Variants in SNX6 observed in about 807,000 individuals in gnomAD.
SNX6 encodes the protein sorting nexin-6.
SNX6 carries 34 observed loss-of-function variants against 63.0 expected under a neutral mutation model. The ratio of observed to expected loss-of-function variants is 0.54; its 90% CI spans 0.41 to 0.72. The LOEUF (loss-of-function observed/expected upper bound fraction) is 0.72, where lower values mean the gene tolerates loss of function less well. Among genes scored for constraint, SNX6 ranks in the 30% least tolerant of loss-of-function variants. The probability of loss-of-function intolerance (pLI) is 0.00; values close to 1 mark genes in which losing one functional copy is unlikely to be tolerated. For missense variants in SNX6, 398 were observed against 471.4 expected (o/e 0.84, Z 1.44); for synonymous variants, 170 against 164.2 (o/e 1.04, Z -0.27).
chr14:34,595,109 T>A (rs1882547606), intron 7 of SNX6, among the ~76,000 whole-genome samples: 1 of 150,200 alleles, frequency 6.7e-6, no homozygotes, highest in African/African-American at 2.5e-5. Flanking sequence ...CAAAATAAAA[T>A]AAAAAATAAA....
At chr14:34,567,251 C>T (rs1881225858) in intron 13 of SNX6, among the ~76,000 whole-genome samples, 1 of 151,918 alleles carries the variant, frequency 6.6e-6, no homozygotes, top group African/African-American at 2.4e-5. Flanking sequence ...CTTTGGGAGG[C>T]TGAGGCAGGA....
At chr14:34,598,035 G>C (rs187568818) in intron 6 of SNX6, among the ~76,000 whole-genome samples, 7 of 152,134 alleles carry the variant, frequency 4.6e-5, no homozygotes, top group Admixed American at 2.6e-4. Flanking sequence ...ATTTATTGGG[G>C]CACAATATAC....
At chr14:34,585,864 T>C (rs981608175) in intron 9 of SNX6, among the ~76,000 whole-genome samples, 1 of 152,108 alleles carries the variant, frequency 6.6e-6, no homozygotes, top group Admixed American at 6.6e-5. Flanking sequence ...AGTGCTGGGA[T>C]TACAGGCATG....
chr14:34,629,775 G>T (rs1883969271), intron 2 of SNX6, 132 bp downstream of exon 2: 1 of 1,382,160 alleles, frequency 7.2e-7, no homozygotes. Flanking sequence ...GCGGTGCAGC[G>T]AGGAAACCGA....
chr14:34,597,967 T>C (rs58909728), intron 6 of SNX6, among the ~76,000 whole-genome samples: 6,989 of 152,286 alleles, frequency 0.046, 220 homozygotes, highest in African/African-American at 0.086. Context: ...AACACTGCTA[T>C]ATAAAATTTT....
intron 4 of SNX6, among the ~76,000 whole-genome samples, chr14:34,606,196 CTTTTT>C (rs34435703): frequency 1.7e-5 from 1 of 57,604 alleles, no homozygotes; most frequent in Non-Finnish European, 4.8e-5. Context: ...GTTATCTAAT[CTTTTT>C]TTTTTTTTTT....
At chr14:34,588,667 C>T (rs1311011783) in intron 8 of SNX6, among the ~76,000 whole-genome samples, 6 of 152,074 alleles carry the variant, frequency 3.9e-5, no homozygotes, top group East Asian at 1.9e-4. Flanking sequence ...GATAAATTAA[C>T]GAAGACCTGA....
chr14:34,574,603 G>A, intron 11 of SNX6, among the ~76,000 whole-genome samples: 1 of 114,552 alleles, frequency 8.7e-6, no homozygotes, highest in Admixed American at 1.2e-4. Flanking sequence ...TTGGGTGACA[G>A]AGTGAGACTC....
intron 12 of SNX6, 31 bp downstream of exon 12, chr14:34,567,823 A>G (rs747657671): frequency 3.1e-6 from 5 of 1,612,984 alleles, no homozygotes; most frequent in Middle Eastern, 1.6e-4. Context: ...CATAAAGCAT[A>G]TCTTGTGATT....
chr14:34,603,411 C>G lies in SNX6; in HGVS notation c.453G>C (p.Val151=). The G allele has an allele frequency of 6.2e-7, 1 of 1,610,258 alleles. No individual in the cohort carries two copies. Among genetic ancestry groups the G allele is most frequent in the Non-Finnish European group, 8.5e-7 (1 of 1,177,922 alleles). Residue 151 remains valine (V), a synonymous_variant, in exon 6 of 14, where the codon GTG becomes GTC. Coordinates refer to ENST00000362031, the MANE Select transcript of SNX6 (RefSeq NM_152233.4). ...CTCTTCTCAAAATAGGATGTGCTGC[C>G]ACACGACACAGGAACACTTCATGCA... ...VAMHEVFLCR[V]AAHPILRRDL...
chr14:34,613,452 C>G (rs181649523), intron 2 of SNX6, among the ~76,000 whole-genome samples: 25 of 152,282 alleles, frequency 1.6e-4, no homozygotes, highest in African/African-American at 6.0e-4. Context: ...CTTAGTCTAG[C>G]ATTTCCAAAA....
intron 6 of SNX6, among the ~76,000 whole-genome samples, chr14:34,600,020 C>G (rs1277296652): frequency 6.6e-6 from 1 of 152,172 alleles, no homozygotes; most frequent in Non-Finnish European, 1.5e-5. Context: ...CTTTCCTAGA[C>G]TGAAGTATTA....
At chr14:34,572,671 GTTTTTTTTGT>G (rs930085741) in intron 11 of SNX6, among the ~76,000 whole-genome samples, 28 of 151,018 alleles carry the variant, frequency 1.9e-4, no homozygotes, top group Admixed American at 6.0e-4. Context: ...AGTTATTTGT[GTTTTTTTTGT>G]TTTTTTTTGT....
intron 10 of SNX6, among the ~76,000 whole-genome samples, chr14:34,576,871 C>T (rs919672362): frequency 1.3e-5 from 2 of 149,638 alleles, no homozygotes; most frequent in African/African-American, 4.9e-5. Flanking sequence ...ATCATGAGGT[C>T]GGGAGTTCGA....
chr14:34,598,914 T>C (rs1302192946), intron 6 of SNX6, among the ~76,000 whole-genome samples: 1 of 152,130 alleles, frequency 6.6e-6, no homozygotes, highest in East Asian at 1.9e-4. Flanking sequence ...GGTGGGGCTT[T>C]TGAGAAGTGA....
chr14:34,578,962 A>AAAAAAAAAAAAAAAC, intron 10 of SNX6, among the ~76,000 whole-genome samples: 1 of 148,008 alleles, frequency 6.8e-6, no homozygotes, highest in Non-Finnish European at 1.5e-5. Flanking sequence ...AAAAAAAAAA[A>AAAAAAAAAAAAAAAC]AAAAGGTTAA....
intron 13 of SNX6, among the ~76,000 whole-genome samples, chr14:34,563,826 C>T (rs1881046257): frequency 6.6e-6 from 1 of 152,100 alleles, no homozygotes; most frequent in Non-Finnish European, 1.5e-5. Context: ...GTAACCTCCG[C>T]CTCCTGGGTT....
intron 11 of SNX6, among the ~76,000 whole-genome samples, chr14:34,569,520 C>T (rs1488631004): frequency 1.4e-4 from 21 of 152,092 alleles, no homozygotes; most frequent in African/African-American, 4.8e-4. Flanking sequence ...CTCCACCTCC[C>T]GGTTCAAGTG....
At chr14:34,574,093 T>G (rs984419322) in intron 11 of SNX6, among the ~76,000 whole-genome samples, 13 of 151,680 alleles carry the variant, frequency 8.6e-5, no homozygotes, top group African/African-American at 2.7e-4. Context: ...ATCCCAGCAC[T>G]TTGGGAGGCC....
Sources: allele counts gnomAD v4.1 joint callset (sites outside exome capture counted in the v4.1 genomes callset), GRCh38; gene constraint gnomAD v4.1.1; transcripts MANE v1.5; gene names NCBI Gene and HGNC (gene_info 2026-07-23, HGNC 2026-07-21).